The following CD274 variants were observed in gnomAD, a reference collection of about 807,000 sequenced individuals.
The protein encoded by CD274 is CD274 molecule.
Under a neutral mutation model 30.1 loss-of-function variants are expected in CD274, and 8 were observed. That is an observed-to-expected ratio of 0.27 (90% CI 0.16 to 0.48). The LOEUF (loss-of-function observed/expected upper bound fraction) is 0.48. CD274 is among the 20% of genes least tolerant of loss of function. The probability of loss-of-function intolerance (pLI) is 0.99; values close to 1 mark genes in which losing one functional copy is unlikely to be tolerated. For synonymous variants in CD274, 152 were observed against 124.6 expected, an observed-to-expected ratio of 1.22 and a Z score of -1.46; for missense variants, 353 against 346.6, an observed-to-expected ratio of 1.02 and a Z score of -0.15.
chr9:5,465,370 C>G, intron 4 of CD274, 129 bp from the exon 5 acceptor site: 1 of 600,496 alleles, frequency 1.7e-6, no homozygotes. Context: ...ATTCCAGCCA[C>G]TCAAACTTTG....
Position 5,452,077 on chromosome 9 carries a change from G to C in CD274, c.-15+1481G>C, listed in dbSNP as rs550522611. ...GTCTCACTCTGTTGCCCATGCTGGA[G>C]TGCAGTGGTGCAATCTCAGCTCACT... On this transcript the variant is annotated intron_variant, in intron 1 of 6. Transcript: ENST00000381577. 3.4e-5 allele frequency among the ~76,000 whole-genome samples: 5 copies of C among 147,772 alleles called. No individual in the cohort carries two copies. In the South Asian group the frequency reaches 6.4e-4, roughly 19 times the overall value.
chr9:5,466,347 C>G (rs1478012739), intron 5 of CD274, among the ~76,000 whole-genome samples: 1 of 152,100 alleles, frequency 6.6e-6, no homozygotes, highest in Non-Finnish European at 1.5e-5. Context: ...CTTAACAGGA[C>G]TGAGATAGCC....
In CD274 at chr9:5,469,298, C is replaced by T; in HGVS notation, c.*1436C>T. 1 of 232,586 alleles carries T rather than the reference C, an allele frequency of 4.3e-6. No homozygotes were observed. Among genetic ancestry groups the T allele is most frequent in the Non-Finnish European group, 8.5e-6 (1 of 117,724 alleles). The allele number at this position is 232,586 out of a possible 1,614,324, so 14.4% of individuals were successfully genotyped here. A position where few individuals can be genotyped will look rare whatever the true frequency, so the allele number is the denominator to read the frequency against. On this transcript the variant is annotated 3_prime_UTR_variant, in exon 7 of 7. Coordinates refer to ENST00000381577, the MANE Select transcript of CD274 (RefSeq NM_014143.4). ...AGTTCTGTCTTTTCTATTTAAATGC[C>T]ACTAAATTTTAAATTCATACCTTTC...
At chr9:5,465,044 G>A (rs1031462486) in intron 4 of CD274, among the ~76,000 whole-genome samples, 5 of 145,836 alleles carry the variant, frequency 3.4e-5, no homozygotes, top group African/African-American at 5.1e-5. Context: ...CCCAGATTGC[G>A]CCACTGCACT....
chr9:5,466,923 T>C (rs1267278940), intron 6 of CD274, 94 bp downstream of exon 6: 2 of 896,978 alleles, frequency 2.2e-6, no homozygotes, highest in East Asian at 5.2e-5. Flanking sequence ...TAATCTCCTC[T>C]CCTTTTAAAG....
Position 5,470,389 on chromosome 9 carries a change from G to A in CD274, c.*2527G>A, listed in dbSNP as rs980231790. On this transcript the variant is annotated 3_prime_UTR_variant, in exon 7 of 7. Transcript: ENST00000381577. ...TATCCCTTTTGTCTCATGTTTCATCGTAAATGGCATAGGCAGAGATGATAC... is the reference window on the plus strand; with the variant it reads ...TATCCCTTTTGTCTCATGTTTCATCATAAATGGCATAGGCAGAGATGATAC... The A allele has an allele frequency of 3.9e-5, 9 of 231,552 alleles. No individual in the cohort carries two copies. Among genetic ancestry groups the A allele is most frequent in the East Asian group, 1.2e-4 (2 of 16,400 alleles). 14.3% of individuals were successfully genotyped at this position (231,552 alleles called of 1,614,324 possible). A position where few individuals can be genotyped will look rare whatever the true frequency, so the allele number is the denominator to read the frequency against.
intron 3 of CD274, among the ~76,000 whole-genome samples, chr9:5,459,501 T>C (rs1174547203): frequency 6.6e-6 from 1 of 152,224 alleles, no homozygotes; most frequent in Non-Finnish European, 1.5e-5. Flanking sequence ...ACAGTAATGC[T>C]GTTGAACTTC....
rs539188808 is a variant in CD274 at position 5,456,242 on chromosome 9, TA to T, written c.52+81del. 6,102 of 902,520 alleles carry T rather than the reference TA, an allele frequency of 6.8e-3. 38 individuals are homozygous for T. Among genetic ancestry groups the T allele is most frequent in the Non-Finnish European group, 8.7e-3 (4,875 of 558,332 alleles). 55.9% of individuals were successfully genotyped at this position (902,520 alleles called of 1,614,324 possible). A position where few individuals can be genotyped will look rare whatever the true frequency, so the allele number is the denominator to read the frequency against. On this transcript the variant is annotated intron_variant, in intron 2 of 6. Coordinates refer to ENST00000381577, the MANE Select transcript of CD274 (RefSeq NM_014143.4). ...TGAGTTTAAAACTAAAATGATCATT[TA>T]AAATGCATGCAATTTTCTTATAGAG... is the stretch of plus-strand genomic sequence containing the variant.
At position 5,468,108 on chromosome 9, in the gene CD274, C is replaced by T. The variant is rs569820304; in HGVS notation, c.*246C>T. On this transcript the variant is annotated 3_prime_UTR_variant, in exon 7 of 7. Coordinates refer to ENST00000381577, the MANE Select transcript of CD274 (RefSeq NM_014143.4). ...TTCAAATGCCTGAGGGGCTCATCGA[C>T]GCCTGTGACAGGGAGAAAGGATACT... 1.2e-4 allele frequency: 62 copies of T among 522,204 alleles called. No individual in the cohort carries two copies. The highest frequency in any genetic ancestry group is 1.6e-4 in the Non-Finnish European group (48 of 293,002). 32.3% of individuals were successfully genotyped at this position (522,204 alleles called of 1,614,324 possible).
rs144841978 is a variant in CD274, at chr9:5,469,997, C to G, written c.*2135C>G. ...TACCCTGTGCCAGAAAAGCCTCATT[C>G]GTTGTGCTTGAACCCTTGAATGCCA... On this transcript the variant is annotated 3_prime_UTR_variant, in exon 7 of 7. Transcript: ENST00000381577. The G allele has an allele frequency of 4.3e-6, 1 of 233,174 alleles. No homozygotes were observed. 14.4% of individuals were successfully genotyped at this position (233,174 alleles called of 1,614,324 possible).
At chr9:5,467,719 C>T in intron 6 of CD274, 121 bp from the exon 7 acceptor site, 1 of 867,156 alleles carries the variant, frequency 1.2e-6, no homozygotes. Context: ...GCTGCTTTCT[C>T]TCATTTCAAA....
intron 5 of CD274, 135 bp from the exon 6 acceptor site, chr9:5,466,635 C>A: frequency 1.6e-6 from 1 of 639,336 alleles, no homozygotes; most frequent in Non-Finnish European, 2.8e-6. Flanking sequence ...TAAGTTGGGA[C>A]CTGTGGAATA....
intron 3 of CD274, among the ~76,000 whole-genome samples, chr9:5,461,331 G>C (rs1819400239): frequency 1.3e-5 from 2 of 152,118 alleles, no homozygotes; most frequent in Non-Finnish European, 2.9e-5. Context: ...TTGTAAGATG[G>C]TTAGTTTAGT....
Position 5,469,390 on chromosome 9 carries a change from A to G in CD274, c.*1528A>G, listed in dbSNP as rs1819549611. On this transcript the variant is annotated 3_prime_UTR_variant, in exon 7 of 7. Coordinates refer to ENST00000381577, the MANE Select transcript of CD274 (RefSeq NM_014143.4). ...AAATCTCCACTTCATCCTCCAAGCC[A>G]TTCAAGTTTCCTTTCCAGAAGCAAC... 8.6e-6 allele frequency: 2 copies of G among 232,424 alleles called. No homozygotes were observed. 14.4% of individuals were successfully genotyped at this position (232,424 alleles called of 1,614,324 possible).
At chr9:5,451,476 G>T (rs1819201663) in intron 1 of CD274, among the ~76,000 whole-genome samples, 1 of 152,182 alleles carries the variant, frequency 6.6e-6, no homozygotes, top group Admixed American at 6.5e-5. Context: ...TAACTACTTA[G>T]TCAAAGAGCC....
chr9:5,462,832 AG>A lies in CD274; in HGVS notation c.395-1del. On this transcript the variant is annotated splice_acceptor_variant, in intron 3 of 6. Coordinates refer to ENST00000381577, the MANE Select transcript of CD274 (RefSeq NM_014143.4). LOFTEE classifies it high-confidence loss of function. ...CCTGACTTCTTTTTGTTTATGTCCT[AG>A]CCCCATACAACAAAATCAACCAAAG... 1 of 1,612,632 alleles carries A rather than the reference AG, an allele frequency of 6.2e-7. No homozygotes were observed. The highest frequency in any genetic ancestry group is 8.5e-7 in the Non-Finnish European group (1 of 1,178,866).
intron 6 of CD274, among the ~76,000 whole-genome samples, chr9:5,467,246 C>T (rs1321599449): frequency 1.3e-5 from 2 of 151,908 alleles, no homozygotes; most frequent in Non-Finnish European, 2.9e-5. Flanking sequence ...AATTTATCCT[C>T]ATTTTACAGT....
rs1819533207 is a variant in CD274, at chr9:5,468,447, T to C, written c.*585T>C. The C allele has an allele frequency of 4.3e-6, 1 of 233,398 alleles. No individual in the cohort carries two copies. The highest frequency in any genetic ancestry group is 1.8e-4 in the South Asian group (1 of 5,550). The allele number at this position is 233,398 out of a possible 1,614,324, so 14.5% of individuals were successfully genotyped here. On this transcript the variant is annotated 3_prime_UTR_variant, in exon 7 of 7. Coordinates refer to ENST00000381577, the MANE Select transcript of CD274 (RefSeq NM_014143.4). The stretch of plus-strand genomic sequence containing the variant: ...CTAAACTTGCTGCTTAATGATTTGC[T>C]CACATCTAGTAAAACATGGAGTATT...
Position 5,468,385 on chromosome 9 carries a change from G to A in CD274, c.*523G>A, listed in dbSNP as rs771467926. On this transcript the variant is annotated 3_prime_UTR_variant, in exon 7 of 7. Transcript: ENST00000381577. ...GTGGTTGTGAATGATTTCTTTTGAA[G>A]ATATATTGTAGTAGATGTTACAATT... 78 of 234,448 alleles carry A rather than the reference G, an allele frequency of 3.3e-4. No homozygotes were observed. The highest frequency in any genetic ancestry group is 5.8e-4 in the Non-Finnish European group (69 of 118,956). 14.5% of individuals were successfully genotyped at this position (234,448 alleles called of 1,614,324 possible). A position where few individuals can be genotyped will look rare whatever the true frequency, so the allele number is the denominator to read the frequency against.
Sources: gnomAD v4.1 joint callset for allele counts (sites outside exome capture counted in the v4.1 genomes callset) on GRCh38, gnomAD v4.1.1 for gene constraint, MANE v1.5 for transcripts, NCBI Gene and HGNC (gene_info 2026-07-23, HGNC 2026-07-21) for gene names.